Variants in EIPR1 observed in about 807,000 individuals in gnomAD.
EIPR1 encodes the protein EARP complex and GARP complex interacting protein 1.
A neutral mutation model predicts 48.1 loss-of-function variants in EIPR1; 25 were observed. The ratio of observed to expected loss-of-function variants is 0.52; its 90% CI spans 0.38 to 0.73. The LOEUF is 0.73. EIPR1 is among the 30% of genes least tolerant of loss of function. The pLI is 0.00. For missense variants in EIPR1, 415 were observed against 506.2 expected (o/e 0.82, Z 1.73); for synonymous variants, 204 against 201.9 (o/e 1.01, Z -0.09).
rs757870183 is a variant in EIPR1, at chr2:3,257,465, A to G, written c.260-10T>C. On this transcript the variant is annotated splice_polypyrimidine_tract_variant and intron_variant, in intron 3 of 8. Transcript: ENST00000382125. ...ACTTTGCTGTCTGAAGCTGAGCAACAGAGCATAATGGATAATGTCAACAGA... is the reference window on the plus strand; with the variant it reads ...ACTTTGCTGTCTGAAGCTGAGCAACGGAGCATAATGGATAATGTCAACAGA... 2 of 1,613,958 alleles carry G rather than the reference A, an allele frequency of 1.2e-6. No individual in the cohort carries two copies. The highest frequency in any genetic ancestry group is 3.3e-5 in the Admixed American group (2 of 60,022).
intron 4 of EIPR1, among the ~76,000 whole-genome samples, chr2:3,241,570 C>A (rs898191146): frequency 1.3e-5 from 2 of 152,194 alleles, no homozygotes; most frequent in East Asian, 3.9e-4. Context: ...ACGTTTATTT[C>A]TTTGTTCGTA....
In EIPR1 at chr2:3,312,337, C is replaced by T. The variant is rs781025744; in HGVS notation, c.259+25680G>A. On this transcript the variant is annotated intron_variant, in intron 3 of 8. Transcript: ENST00000382125. This position sits in a 1 kb window ranked among gnomAD's most constrained non-coding sequence, Gnocchi z 5.5. ...GGCTAAGGTTGCACTGCTTTTTAGG[C>T]GGCTGTGGCATAAAATTGAGTTTCC... Among the ~76,000 whole-genome samples the T allele has an allele frequency of 8.5e-5, 13 of 152,114 alleles. No individual in the cohort carries two copies. Among genetic ancestry groups the T allele is most frequent in the Non-Finnish European group, 1.3e-4 (9 of 68,024 alleles).
At chr2:3,314,642 C>T (rs1000795698) in intron 3 of EIPR1, among the ~76,000 whole-genome samples, 1 of 145,948 alleles carries the variant, frequency 6.9e-6, no homozygotes, top group Admixed American at 6.8e-5. Flanking sequence ...GTTGCCGTCC[C>T]TCTCTTGTGT....
At chr2:3,206,467 C>G (rs545994764) in intron 5 of EIPR1, among the ~76,000 whole-genome samples, 1 of 152,344 alleles carries the variant, frequency 6.6e-6, no homozygotes, top group East Asian at 1.9e-4. Context: ...TTGTGGCCTC[C>G]TGGAAGAGTA....
chr2:3,296,209 CTA>C (rs1340630809), intron 3 of EIPR1, among the ~76,000 whole-genome samples: 2 of 133,520 alleles, frequency 1.5e-5, no homozygotes, highest in Non-Finnish European at 1.6e-5. Flanking sequence ...CCCATCCTCT[CTA>C]CACAGACACC....
At chr2:3,218,947 G>C (rs1328667758) in intron 4 of EIPR1, among the ~76,000 whole-genome samples, 1 of 150,606 alleles carries the variant, frequency 6.6e-6, no homozygotes, top group Non-Finnish European at 1.5e-5. Context: ...CAGTGAGTCA[G>C]GTGCACACCC....
intron 3 of EIPR1, among the ~76,000 whole-genome samples, chr2:3,280,045 C>A (rs562064010): frequency 6.6e-6 from 1 of 152,200 alleles, no homozygotes; most frequent in Non-Finnish European, 1.5e-5. Context: ...TGTATGATTT[C>A]TATGGAGCCC....
intron 2 of EIPR1, among the ~76,000 whole-genome samples, chr2:3,343,894 C>A (rs1670326365): frequency 6.6e-6 from 1 of 152,054 alleles, no homozygotes; most frequent in African/African-American, 2.4e-5. Flanking sequence ...TTTAAAAACT[C>A]TTGAGAATTG....
chr2:3,195,934 C>T (rs534616801), intron 6 of EIPR1, among the ~76,000 whole-genome samples: 15 of 152,196 alleles, frequency 9.9e-5, no homozygotes, highest in African/African-American at 3.1e-4. Flanking sequence ...TGGTCTGTAA[C>T]GTCAGTCTTT....
chr2:3,358,128 C>T (rs1420668464), intron 1 of EIPR1, among the ~76,000 whole-genome samples: 1 of 152,164 alleles, frequency 6.6e-6, no homozygotes, highest in East Asian at 1.9e-4. Flanking sequence ...CACCCACTTC[C>T]CACCTCCTCG....
At chr2:3,220,649 C>T (rs1161800718) in intron 4 of EIPR1, among the ~76,000 whole-genome samples, 1 of 151,368 alleles carries the variant, frequency 6.6e-6, no homozygotes, top group East Asian at 2.0e-4. Context: ...CACGCGATTA[C>T]CATGGTACAC....
intron 3 of EIPR1, among the ~76,000 whole-genome samples, chr2:3,337,111 TGGGAAAA>T (rs1438602705): frequency 1.5e-4 from 13 of 86,130 alleles, no homozygotes; most frequent in African/African-American, 2.3e-4. Flanking sequence ...GGGAAAGAGA[TGGGAAAA>T]GGGAAAAGGG....
At chr2:3,227,043 A>C (rs902954401) in intron 4 of EIPR1, among the ~76,000 whole-genome samples, 1 of 152,206 alleles carries the variant, frequency 6.6e-6, no homozygotes, top group Non-Finnish European at 1.5e-5. Context: ...GAAAACAGAC[A>C]AATACGGTAA....
Position 3,310,832 on chromosome 2 carries a change from T to C in EIPR1, c.259+27185A>G, listed in dbSNP as rs769346798. ...TAAAATTATTTTATATACTAAACTT[T>C]GTTACACTGATAAATATTTTATGAT... is the stretch of plus-strand genomic sequence containing the variant. On this transcript the variant is annotated intron_variant, in intron 3 of 8. Coordinates refer to ENST00000382125, the MANE Select transcript of EIPR1 (RefSeq NM_003310.5). 1.2e-3 allele frequency among the ~76,000 whole-genome samples: 185 copies of C among 152,216 alleles called. 1 individual carries two copies. The highest frequency in any genetic ancestry group is 2.2e-3 in the Non-Finnish European group (151 of 68,034).
At chr2:3,211,941 CCT>C in intron 5 of EIPR1, among the ~76,000 whole-genome samples, 1 of 152,232 alleles carries the variant, frequency 6.6e-6, no homozygotes. Context: ...CCAGGCCTCC[CCT>C]GAGTTCTGCT....
At chr2:3,192,371 G>A in intron 8 of EIPR1, 43 bp downstream of exon 8, 1 of 1,523,484 alleles carries the variant, frequency 6.6e-7, no homozygotes, top group Non-Finnish European at 8.8e-7. Flanking sequence ...GCAGACAGGA[G>A]GCTCTGGTAC....
At chr2:3,259,465 T>C (rs1667260693) in intron 3 of EIPR1, among the ~76,000 whole-genome samples, 1 of 152,128 alleles carries the variant, frequency 6.6e-6, no homozygotes, top group South Asian at 2.1e-4. Flanking sequence ...CTACCTCCCT[T>C]CAAAGTCTAC....
In EIPR1 at chr2:3,339,807, G is replaced by A. The variant is rs538757038; in HGVS notation, c.127-1658C>T. ...CTACTAAAAATACAAAAAATTAGCC[G>A]GGCGTGGTGGCGGGCACCTGTAGTC... On this transcript the variant is annotated intron_variant, in intron 2 of 8. Coordinates refer to ENST00000382125, the MANE Select transcript of EIPR1 (RefSeq NM_003310.5). Among the ~76,000 whole-genome samples the A allele has an allele frequency of 6.6e-5, 10 of 152,280 alleles. No homozygotes were observed. In the South Asian group the frequency reaches 1.7e-3, roughly 25 times the overall value.
intron 5 of EIPR1, among the ~76,000 whole-genome samples, chr2:3,207,300 A>C (rs1197588976): frequency 2.6e-5 from 4 of 152,182 alleles, no homozygotes; most frequent in Non-Finnish European, 5.9e-5. Context: ...ACTGTTAAGG[A>C]GTGGCAGGAA....
Sources: allele counts gnomAD v4.1 joint callset (sites outside exome capture counted in the v4.1 genomes callset), GRCh38; gene constraint gnomAD v4.1.1; non-coding constraint Gnocchi (gnomAD v3.1); transcripts MANE v1.5; gene names NCBI Gene and HGNC (gene_info 2026-07-23, HGNC 2026-07-21).